The following ZCCHC24 variants were observed in gnomAD, a reference collection of about 807,000 sequenced individuals.
The protein encoded by ZCCHC24 is zinc finger CCHC domain-containing protein 24.
Under a neutral mutation model 26.2 loss-of-function variants are expected in ZCCHC24, and 10 were observed. That is an observed-to-expected ratio of 0.38 (90% CI 0.24 to 0.65). ZCCHC24 has a LOEUF of 0.65. Among genes scored for constraint, ZCCHC24 ranks in the 30% least tolerant of loss-of-function variants. The pLI is 0.54. For synonymous variants in ZCCHC24, 144 were observed against 147.1 expected (o/e 0.98, Z 0.15); for missense variants, 243 against 329.1 (o/e 0.74, Z 2.03).
At chr10:79,438,369 G>A (rs751758824) in intron 1 of ZCCHC24, among the ~76,000 whole-genome samples, 2 of 152,164 alleles carry the variant, frequency 1.3e-5, no homozygotes, top group African/African-American at 2.4e-5. Flanking sequence ...ATACATGTCC[G>A]ATATATACAG....
chr10:79,444,477 C>T (rs34613014), intron 1 of ZCCHC24, among the ~76,000 whole-genome samples: 4 of 152,174 alleles, frequency 2.6e-5, no homozygotes, highest in South Asian at 2.1e-4. Context: ...CCTCTCCCCC[C>T]CCCTTTCTAG....
At chr10:79,418,228 CA>C (rs1446548663) in intron 2 of ZCCHC24, among the ~76,000 whole-genome samples, 1 of 152,214 alleles carries the variant, frequency 6.6e-6, no homozygotes, top group Non-Finnish European at 1.5e-5. Context: ...AAAGCGCGTT[CA>C]CCTGTCTGAT....
intron 1 of ZCCHC24, among the ~76,000 whole-genome samples, chr10:79,444,459 A>G (rs565665206): frequency 6.6e-6 from 1 of 151,606 alleles, no homozygotes. Flanking sequence ...GGCGCTGGGC[A>G]GCTGGAACCT....
Position 79,386,069 on chromosome 10 carries a change from GC to G in ZCCHC24, c.*275del, listed in dbSNP as rs1856387570. The G allele has an allele frequency of 5.5e-6, 3 of 550,232 alleles. No homozygotes were observed. Among genetic ancestry groups the G allele is most frequent in the Non-Finnish European group, 9.9e-6 (3 of 304,226 alleles). The allele number at this position is 550,232 out of a possible 1,614,324, so 34.1% of individuals were successfully genotyped here. ...GGACACCCAGGGCTCCTGGACATGGGCTTTTGCTTGCCTTTGTCCCCTCCAC... is the reference window on the plus strand; with the variant it reads ...GGACACCCAGGGCTCCTGGACATGGGTTTTGCTTGCCTTTGTCCCCTCCAC... On this transcript the variant is annotated 3_prime_UTR_variant, in exon 4 of 4. Transcript: ENST00000372336.
intron 2 of ZCCHC24, among the ~76,000 whole-genome samples, chr10:79,399,499 C>T (rs1006193): frequency 0.025 from 3,804 of 152,338 alleles, 90 homozygotes; most frequent in East Asian, 0.082. Context: ...TGCCAGGAGC[C>T]TGGGCAAAGC....
intron 1 of ZCCHC24, among the ~76,000 whole-genome samples, chr10:79,443,199 G>C (rs1019972459): frequency 6.6e-6 from 1 of 152,192 alleles, no homozygotes. Context: ...CACACTGTGT[G>C]ACTTTATGGG....
chr10:79,407,486 G>A (rs932778001), intron 2 of ZCCHC24, among the ~76,000 whole-genome samples: 1 of 152,234 alleles, frequency 6.6e-6, no homozygotes, highest in African/African-American at 2.4e-5. Context: ...TACACTGCAC[G>A]CTGCTGCCCT....
At chr10:79,423,144 T>A (rs1203803939) in intron 2 of ZCCHC24, among the ~76,000 whole-genome samples, 1 of 152,162 alleles carries the variant, frequency 6.6e-6, no homozygotes, top group African/African-American at 2.4e-5. Context: ...AGACCCACAG[T>A]GGCCACCCAA....
intron 2 of ZCCHC24, among the ~76,000 whole-genome samples, chr10:79,425,545 T>C (rs560222388): frequency 2.6e-5 from 4 of 152,232 alleles, no homozygotes; most frequent in Non-Finnish European, 5.9e-5. Flanking sequence ...TGCAGGATGA[T>C]ATTGAAAAAG....
intron 3 of ZCCHC24, among the ~76,000 whole-genome samples, chr10:79,392,804 T>C (rs1391323847): frequency 6.6e-6 from 1 of 152,090 alleles, no homozygotes. Flanking sequence ...CATGCCTGAC[T>C]GGCCGGGCTT....
chr10:79,419,827 C>A (rs1856914118), intron 2 of ZCCHC24, among the ~76,000 whole-genome samples: 1 of 152,110 alleles, frequency 6.6e-6, no homozygotes, highest in South Asian at 2.1e-4. Flanking sequence ...GGCTCCTAGG[C>A]TCTGCCAACA....
At chr10:79,428,990 A>C (rs1857088552) in intron 2 of ZCCHC24, among the ~76,000 whole-genome samples, 1 of 152,218 alleles carries the variant, frequency 6.6e-6, no homozygotes, top group African/African-American at 2.4e-5. Context: ...AGTCATCAAA[A>C]ATCTACCCAC....
At chr10:79,423,589 A>ATATTTTT (rs1201819628) in intron 2 of ZCCHC24, among the ~76,000 whole-genome samples, 6 of 93,106 alleles carry the variant, frequency 6.4e-5, no homozygotes, top group Non-Finnish European at 9.5e-5. Flanking sequence ...TACTATATAT[A>ATATTTTT]TATATATATA....
intron 1 of ZCCHC24, among the ~76,000 whole-genome samples, chr10:79,444,572 A>T (rs1275289146): frequency 6.6e-6 from 1 of 152,008 alleles, no homozygotes; most frequent in Non-Finnish European, 1.5e-5. Flanking sequence ...TGTGGGGTCA[A>T]GCCCTCAGAA....
intron 2 of ZCCHC24, among the ~76,000 whole-genome samples, chr10:79,414,347 T>C (rs1856833762): frequency 1.3e-5 from 2 of 152,200 alleles, no homozygotes; most frequent in African/African-American, 2.4e-5. Context: ...TAACTGCAGT[T>C]GGAACACAGA....
chr10:79,438,487 G>A (rs2132223879), intron 1 of ZCCHC24, among the ~76,000 whole-genome samples: 1 of 152,302 alleles, frequency 6.6e-6, no homozygotes, highest in Middle Eastern at 3.4e-3. Context: ...GTTTTCAGCT[G>A]TGCTCAGCCC....
chr10:79,433,821 A>T (rs537683456), intron 1 of ZCCHC24, among the ~76,000 whole-genome samples: 16 of 152,332 alleles, frequency 1.1e-4, no homozygotes, highest in African/African-American at 3.6e-4. Flanking sequence ...AGGCTCCCTT[A>T]CAAAGATGGG....
At chr10:79,424,017 GA>G (rs5786403) in intron 2 of ZCCHC24, among the ~76,000 whole-genome samples, 70,642 of 122,070 alleles carry the variant, frequency 0.58, 19,255 homozygotes, top group Middle Eastern at 0.68. Flanking sequence ...GACTCCGTCT[GA>G]AAAAAAAAAA....
At chr10:79,402,360 C>T (rs1299082362) in intron 2 of ZCCHC24, among the ~76,000 whole-genome samples, 2 of 152,168 alleles carry the variant, frequency 1.3e-5, no homozygotes, top group Non-Finnish European at 2.9e-5. Context: ...ACTGCAAGCT[C>T]CACCTCCCAG....
Sources: gnomAD v4.1 joint callset for allele counts (sites outside exome capture counted in the v4.1 genomes callset) on GRCh38, gnomAD v4.1.1 for gene constraint, MANE v1.5 for transcripts, NCBI Gene and HGNC (gene_info 2026-07-23, HGNC 2026-07-21) for gene names.